Variants in CR2 observed in about 807,000 individuals in gnomAD.
CR2 encodes the protein complement receptor type 2.
A neutral mutation model predicts 123.0 loss-of-function variants in CR2; 96 were observed. The observed-to-expected ratio is 0.78, with a 90% CI of 0.66 to 0.93. The LOEUF (loss-of-function observed/expected upper bound fraction) is 0.93. Ranked by LOEUF, CR2 falls within the 40% of genes least tolerant of loss-of-function variation. The pLI is 0.00. For missense variants in CR2, 1,258 were observed against 1,361.0 expected, an observed-to-expected ratio of 0.92 and a Z score of 1.19; for synonymous variants, 484 against 469.5, an observed-to-expected ratio of 1.03 and a Z score of -0.40.
chr1:207,463,670 C>T (rs1658019635), intron 1 of CR2, among the ~76,000 whole-genome samples: 1 of 152,064 alleles, frequency 6.6e-6, no homozygotes, highest in Non-Finnish European at 1.5e-5. Flanking sequence ...TTCTGGGGTA[C>T]ATGTGCAGGA....
chr1:207,466,414 C>G (rs1572950594), intron 1 of CR2, 112 bp from the exon 2 acceptor site: 1 of 1,252,424 alleles, frequency 8.0e-7, no homozygotes, highest in Non-Finnish European at 1.2e-6. Context: ...ATACATATTT[C>G]TAAGTCTGTT....
chr1:207,468,994 C>G, intron 4 of CR2, 95 bp downstream of exon 4: 1 of 1,449,948 alleles, frequency 6.9e-7, no homozygotes, highest in Non-Finnish European at 9.7e-7. Flanking sequence ...CTGTGAGGAT[C>G]TCTGGGCAGT....
Position 207,468,807 on chromosome 1 carries a change from C to T in CR2, c.642C>T (p.Arg214=). The part of the protein sequence containing the change: ...SAVPPTCEEA[R]CKSLGRFPNG... ...CTTTGGTTTGTTTTTTAGAGGCACG[C>T]TGTAAATCTCTAGGACGATTTCCCA... is the stretch of plus-strand genomic sequence containing the variant. Residue 214 remains arginine, a synonymous_variant, in exon 4 of 20, where the codon CGC becomes CGT. Coordinates refer to ENST00000367057, the MANE Select transcript of CR2 (RefSeq NM_001006658.3). 3 of 1,613,960 alleles carry T rather than the reference C, an allele frequency of 1.9e-6. No individual in the cohort carries two copies. The highest frequency in any genetic ancestry group is 1.3e-5 in the African/African-American group (1 of 74,996).
chr1:207,461,410 T>C (rs1274169624), intron 1 of CR2, among the ~76,000 whole-genome samples: 1 of 152,216 alleles, frequency 6.6e-6, no homozygotes. Flanking sequence ...CTAAAAATTC[T>C]CTGAACCTCT....
At chr1:207,476,131 G>A (rs904794760) in intron 14 of CR2, 103 bp from the exon 15 acceptor site, 1 of 1,059,602 alleles carries the variant, frequency 9.4e-7, no homozygotes, top group African/African-American at 1.6e-5. Context: ...CCAGTTAGTT[G>A]GCTTGTTGCT....
intron 13 of CR2, 26 bp from the exon 14 acceptor site, chr1:207,474,798 T>C: frequency 6.2e-7 from 1 of 1,613,496 alleles, no homozygotes; most frequent in Non-Finnish European, 8.5e-7. Flanking sequence ...CTAGCTGAAG[T>C]AGAACTCCCT....
chr1:207,456,446 G>T (rs1657837767), intron 1 of CR2, among the ~76,000 whole-genome samples: 1 of 152,200 alleles, frequency 6.6e-6, no homozygotes, highest in Admixed American at 6.5e-5. Context: ...GGAAAGCTGA[G>T]GTTTAACAAT....
At chr1:207,479,370 T>C in intron 17 of CR2, 90 bp downstream of exon 17, 2 of 880,594 alleles carry the variant, frequency 2.3e-6, no homozygotes, top group Non-Finnish European at 3.6e-6. Flanking sequence ...TCTGATGATA[T>C]ATTTAACTCA....
In CR2 at chr1:207,470,836, C is replaced by G. The variant is rs775269251; in HGVS notation, c.1322C>G (p.Pro441Arg). The stretch of plus-strand genomic sequence containing the variant: ...ACATCTATAAAATATAGCTGTAACC[C>G]TGGCTATGTGCTGGTGGGAGAAGAA... ...PGTSIKYSCN[P>R]GYVLVGEESI... is the part of the protein sequence containing the mutation. The change falls in exon 7 of 20, where the codon CCT (proline) becomes CGT (arginine). Residue 441 changes from proline to arginine, a missense_variant. Pro to Arg is a moderately radical substitution (Grantham distance 103, BLOSUM62 -2). Coordinates refer to ENST00000367057, the MANE Select transcript of CR2 (RefSeq NM_001006658.3). The G allele has an allele frequency of 2.4e-5, 38 of 1,613,918 alleles. No homozygotes were observed. The highest frequency in any genetic ancestry group is 3.1e-5 in the Non-Finnish European group (37 of 1,179,868).
At position 207,476,435 on chromosome 1, in the gene CR2, T is replaced by G; in HGVS notation, c.2902+16T>G. ...CATTGTAAAGGTGCTTTGTCTATTT[T>G]TTATTCTTATTTTTATATCAAATTT... On this transcript the variant is annotated intron_variant, in intron 15 of 19. Coordinates refer to ENST00000367057, the MANE Select transcript of CR2 (RefSeq NM_001006658.3). 1 of 1,606,684 alleles carries G rather than the reference T, an allele frequency of 6.2e-7. No individual in the cohort carries two copies. Among genetic ancestry groups the G allele is most frequent in the Non-Finnish European group, 8.5e-7 (1 of 1,176,634 alleles).
At chr1:207,478,567 A>C (rs1370982794) in intron 16 of CR2, among the ~76,000 whole-genome samples, 2 of 150,934 alleles carry the variant, frequency 1.3e-5, no homozygotes, top group East Asian at 1.9e-4. Flanking sequence ...AAATTAAATA[A>C]AATAAAAAAG....
intron 18 of CR2, among the ~76,000 whole-genome samples, chr1:207,481,561 T>G (rs1658603471): frequency 6.6e-6 from 1 of 152,074 alleles, no homozygotes; most frequent in African/African-American, 2.4e-5. Flanking sequence ...TCCCATACCC[T>G]AGAAAAATAA....
chr1:207,479,933 G>A, intron 17 of CR2, 45 bp from the exon 18 acceptor site: 1 of 1,405,452 alleles, frequency 7.1e-7, no homozygotes, highest in Non-Finnish European at 1.0e-6. Flanking sequence ...AACAATGTAG[G>A]TGATCGTCTT....
intron 15 of CR2, among the ~76,000 whole-genome samples, chr1:207,476,914 C>G (rs961912865): frequency 3.3e-5 from 5 of 152,180 alleles, no homozygotes; most frequent in African/African-American, 9.7e-5. Flanking sequence ...TTACTCTATG[C>G]CAGACACTGT....
Position 207,470,542 on chromosome 1 carries a change from AAAC to A in CR2, c.1226-177_1226-175del, listed in dbSNP as rs747380769. 3.7e-4 allele frequency among the ~76,000 whole-genome samples: 56 copies of A among 152,048 alleles called. No individual in the cohort carries two copies. In the East Asian group the frequency reaches 6.0e-3, roughly 16 times the overall value. ...ACATCTGCAGCAGCCTCTGTGCAGA[AAAC>A]AACAACAACAACAACAACAAAAGAT... On this transcript the variant is annotated intron_variant, in intron 6 of 19. Coordinates refer to ENST00000367057, the MANE Select transcript of CR2 (RefSeq NM_001006658.3).
chr1:207,470,542 AAACAAC>A (rs747380769), intron 6 of CR2, among the ~76,000 whole-genome samples, 192 bp from the exon 7 acceptor site: 18 of 152,070 alleles, frequency 1.2e-4, no homozygotes, highest in African/African-American at 3.4e-4. Flanking sequence ...TCTGTGCAGA[AAACAAC>A]AACAACAACA....
intron 1 of CR2, among the ~76,000 whole-genome samples, chr1:207,464,729 T>C (rs1385426850): frequency 6.6e-6 from 1 of 152,226 alleles, no homozygotes; most frequent in Non-Finnish European, 1.5e-5. Context: ...TGTAATATGG[T>C]GTCAACTAAA....
chr1:207,469,277 A>G (rs1324596226), intron 5 of CR2, 45 bp downstream of exon 5: 1 of 1,461,632 alleles, frequency 6.8e-7, no homozygotes, highest in East Asian at 2.3e-5. Flanking sequence ...TTCTCAGCTT[A>G]ACTAAAAGCT....
At chr1:207,483,318 C>T (rs1658655908) in intron 18 of CR2, among the ~76,000 whole-genome samples, 1 of 152,252 alleles carries the variant, frequency 6.6e-6, no homozygotes, top group Admixed American at 6.5e-5. Flanking sequence ...TAGGCTCAGA[C>T]ATGAAGGGGT....
Sources: allele counts gnomAD v4.1 joint callset (sites outside exome capture counted in the v4.1 genomes callset), GRCh38; gene constraint gnomAD v4.1.1; transcripts MANE v1.5; gene names NCBI Gene and HGNC (gene_info 2026-07-23, HGNC 2026-07-21).